The following DYNC2I2 variants were observed in gnomAD, a reference collection of about 807,000 sequenced individuals.
The protein encoded by DYNC2I2 is cytoplasmic dynein 2 intermediate chain 2.
A neutral mutation model predicts 52.0 loss-of-function variants in DYNC2I2; 39 were observed. That is an observed-to-expected ratio of 0.75 (90% CI 0.58 to 0.98). DYNC2I2 has a LOEUF of 0.98. DYNC2I2 is among the 50% of genes least tolerant of loss of function. The probability of loss-of-function intolerance (pLI) is 0.00; values close to 1 mark genes in which losing one functional copy is unlikely to be tolerated. For synonymous variants in DYNC2I2, 359 were observed against 321.1 expected, an observed-to-expected ratio of 1.12 and a Z score of -1.26; for missense variants, 743 against 728.4, an observed-to-expected ratio of 1.02 and a Z score of -0.23.
At position 128,636,438 on chromosome 9, in the gene DYNC2I2, C is replaced by G; in HGVS notation, c.546G>C (p.Arg182=). 6.2e-7 allele frequency: 1 copy of G among 1,601,848 alleles called. No homozygotes were observed. The highest frequency in any genetic ancestry group is 1.1e-5 in the South Asian group (1 of 89,836). ...GCGTGCTCCAGTCCCCATGGTCCAG[C>G]CTGTGCAGGGACAGGCTTGAGCCGG... ...TGSVVACAYG[R]LDHGDWSTLK... is the part of the protein sequence containing the mutation. Residue 182 remains arginine (R), a splice_region_variant and synonymous_variant, in exon 4 of 9, where the codon CGG becomes CGC. Transcript: ENST00000372715.
In DYNC2I2 at chr9:128,633,710, A is replaced by G; in HGVS notation, c.*34T>C. The G allele has an allele frequency of 1.9e-6, 3 of 1,587,816 alleles. No homozygotes were observed. Among genetic ancestry groups the G allele is most frequent in the Non-Finnish European group, 2.6e-6 (3 of 1,166,202 alleles). On this transcript the variant is annotated 3_prime_UTR_variant, in exon 9 of 9. Coordinates refer to ENST00000372715, the MANE Select transcript of DYNC2I2 (RefSeq NM_052844.4). Reference sequence around the variant, plus strand: ...TTGCGTCAGAAACACAAGGCTCGGCACAGCGAAGGCTTGCACCCGCCTCCC... The same window carrying G: ...TTGCGTCAGAAACACAAGGCTCGGCGCAGCGAAGGCTTGCACCCGCCTCCC...
the DYNC2I2 span, among the ~76,000 whole-genome samples, chr9:128,671,190 C>T: frequency 1.3e-5 from 2 of 151,668 alleles, no homozygotes; most frequent in African/African-American, 2.4e-5. Flanking sequence ...TCCCAGCTAC[C>T]AGAGAGGCTG....
chr9:128,682,264 G>A, the DYNC2I2 span, among the ~76,000 whole-genome samples: 1 of 151,880 alleles, frequency 6.6e-6, no homozygotes, highest in African/African-American at 2.4e-5. Context: ...TAGCCAGGAC[G>A]ATCTCGATCT....
upstream of DYNC2I2, among the ~76,000 whole-genome samples, chr9:128,661,733 C>T (rs1026987200): frequency 6.6e-6 from 1 of 150,692 alleles, no homozygotes; most frequent in Non-Finnish European, 1.5e-5. Flanking sequence ...ACTTGATCCT[C>T]AGGGGATGAA....
chr9:128,684,385 G>A, the DYNC2I2 span, among the ~76,000 whole-genome samples: 1 of 151,988 alleles, frequency 6.6e-6, no homozygotes, highest in African/African-American at 2.4e-5. Flanking sequence ...TCTCAGATCT[G>A]TCCACCTCTC....
chr9:128,665,827 C>G, the DYNC2I2 span, among the ~76,000 whole-genome samples: 1 of 143,868 alleles, frequency 7.0e-6, no homozygotes, highest in Non-Finnish European at 1.5e-5. Context: ...AATTCCAACA[C>G]TTTGGGAGGC....
chr9:128,634,536 G>C (rs1172114689), intron 7 of DYNC2I2, among the ~76,000 whole-genome samples, 153 bp from the exon 8 acceptor site: 1 of 152,220 alleles, frequency 6.6e-6, no homozygotes, highest in Non-Finnish European at 1.5e-5. Context: ...GAGAAGGGAC[G>C]ATGCCTGGGC....
At chr9:128,638,098 AT>A (rs1033477469) in intron 2 of DYNC2I2, among the ~76,000 whole-genome samples, 2 of 151,782 alleles carry the variant, frequency 1.3e-5, no homozygotes, top group Admixed American at 6.6e-5. Flanking sequence ...TTAGCTGGGC[AT>A]GGGGGTCAGA....
In DYNC2I2 at chr9:128,648,499, G is replaced by T. The variant is rs148123470; in HGVS notation, c.187-7560C>A. ...AGGCCCCGCCAAGCCAAGCCAAGCG[G>T]GCAGGGCCAGGCATGGTGGCTCAGG... is the stretch of plus-strand genomic sequence containing the variant. On this transcript the variant is annotated intron_variant, in intron 1 of 8. Coordinates refer to ENST00000372715, the MANE Select transcript of DYNC2I2 (RefSeq NM_052844.4). Among the ~76,000 whole-genome samples, 119 of 151,626 alleles carry T rather than the reference G, an allele frequency of 7.8e-4. 1 individual carries two copies. In the East Asian group the frequency reaches 0.016, roughly 21 times the overall value.
At chr9:128,668,108 G>A in the DYNC2I2 span, among the ~76,000 whole-genome samples, 1 of 151,794 alleles carries the variant, frequency 6.6e-6, no homozygotes, top group Non-Finnish European at 1.5e-5. Flanking sequence ...TTACAGGCGT[G>A]AGCCACTATG....
intron 4 of DYNC2I2, 111 bp from the exon 5 acceptor site, chr9:128,635,878 G>C: frequency 9.9e-7 from 1 of 1,008,876 alleles, no homozygotes; most frequent in South Asian, 1.5e-5. Context: ...CCAGGCGGCA[G>C]AGCCACTTGG....
intron 7 of DYNC2I2, 59 bp downstream of exon 7, chr9:128,634,630 A>G: frequency 6.9e-7 from 1 of 1,453,814 alleles, no homozygotes; most frequent in Non-Finnish European, 9.2e-7. Context: ...TTGGCAGGCT[A>G]GAGACCCGCA....
chr9:128,679,229 A>C, the DYNC2I2 span, among the ~76,000 whole-genome samples: 1 of 152,140 alleles, frequency 6.6e-6, no homozygotes, highest in African/African-American at 2.4e-5. Context: ...TCATGATCTT[A>C]GGCAAATCCC....
upstream of DYNC2I2, among the ~76,000 whole-genome samples, chr9:128,658,092 C>T (rs1214288729): frequency 6.6e-6 from 1 of 151,346 alleles, no homozygotes; most frequent in Non-Finnish European, 1.5e-5. Flanking sequence ...GAGACCCTGT[C>T]TCAAAATAAT....
rs12380424 is a variant in DYNC2I2, at chr9:128,640,942, G to T, written c.187-3C>A. 32,696 of 1,578,884 alleles carry T rather than the reference G, an allele frequency of 0.021. 399 individuals are homozygous for T. The highest frequency in any genetic ancestry group is 0.024 in the Non-Finnish European group (27,966 of 1,160,144). The stretch of plus-strand genomic sequence containing the variant: ...ATGCTGGCCGTCTGGCAACTTTTCT[G>T]GGGGGAGGGTGAAAACAAGTGTCAC... On this transcript the variant is annotated splice_region_variant and splice_polypyrimidine_tract_variant and intron_variant, in intron 1 of 8. Coordinates refer to ENST00000372715, the MANE Select transcript of DYNC2I2 (RefSeq NM_052844.4).
chr9:128,665,696 G>A, the DYNC2I2 span, among the ~76,000 whole-genome samples: 17 of 151,494 alleles, frequency 1.1e-4, no homozygotes, highest in Admixed American at 4.6e-4. Flanking sequence ...CTTGAACTCG[G>A]GAGGCAGAGG....
intron 2 of DYNC2I2, 65 bp from the exon 3 acceptor site, chr9:128,637,092 A>G (rs1313151171): frequency 7.4e-6 from 9 of 1,210,392 alleles, no homozygotes; most frequent in African/African-American, 1.5e-5. Flanking sequence ...TGCCTAACCA[A>G]ACCCCACCTA....
intron 1 of DYNC2I2, among the ~76,000 whole-genome samples, chr9:128,643,485 C>T (rs1166424544): frequency 6.6e-6 from 1 of 151,484 alleles, no homozygotes; most frequent in Admixed American, 6.6e-5. Context: ...CGAGATCGTG[C>T]CACTGCACTC....
At chr9:128,674,657 C>G in the DYNC2I2 span, among the ~76,000 whole-genome samples, 1 of 152,080 alleles carries the variant, frequency 6.6e-6, no homozygotes, top group African/African-American at 2.4e-5. Flanking sequence ...GCAGGAGAAT[C>G]GCGTGAACCC....
Sources: gnomAD v4.1 joint callset for allele counts (sites outside exome capture counted in the v4.1 genomes callset) on GRCh38, gnomAD v4.1.1 for gene constraint, MANE v1.5 for transcripts, NCBI Gene and HGNC (gene_info 2026-07-23, HGNC 2026-07-21) for gene names.